KDM3B: variants seen among roughly 807,000 people sequenced by gnomAD.
KDM3B encodes lysine demethylase 3B.
In KDM3B, 10 loss-of-function variants were observed where a neutral mutation model predicts 170.0. The ratio of observed to expected loss-of-function variants is 0.06; its 90% confidence interval spans 0.04 to 0.10. The LOEUF (loss-of-function observed/expected upper bound fraction) is 0.10. KDM3B is among the 10% of genes least tolerant of loss of function. The pLI, the probability that KDM3B is intolerant of heterozygous loss-of-function variation, is 1.00. For missense variants in KDM3B, 1,394 were observed against 2,195.2 expected (o/e 0.64, Z 7.29); for synonymous variants, 831 against 834.8 (o/e 1.00, Z 0.08).
At position 138,386,087 on chromosome 5, in the gene KDM3B, A is replaced by G; in HGVS notation, c.846A>G (p.Lys282=). ...AGAAGAGAGAAAGCATAGAGGGGAA[A>G]GATGGCCGGAGGAGGAAAAGTGCTT... ...GKKKRESIEG[K]DGRRRKSASD... is the part of the protein sequence containing the mutation. Residue 282 remains lysine (K), a synonymous_variant, in exon 7 of 24, where the codon AAA becomes AAG. Transcript: ENST00000314358. The G allele has an allele frequency of 1.2e-6, 2 of 1,614,216 alleles. No homozygotes were observed. Among genetic ancestry groups the G allele is most frequent in the South Asian group, 1.1e-5 (1 of 91,080 alleles).
chr5:138,418,881 G>A lies in KDM3B; in HGVS notation c.3436-72G>A, dbSNP rs1372836625. On this transcript the variant is annotated intron_variant, in intron 13 of 23. Coordinates refer to ENST00000314358, the MANE Select transcript of KDM3B (RefSeq NM_016604.4). Reference sequence around the variant, plus strand: ...TTCTTCCCAGACCTATTTAGTATGTGAAGCCATTACTAGTTGTATTTTTTT... The same window carrying A: ...TTCTTCCCAGACCTATTTAGTATGTAAAGCCATTACTAGTTGTATTTTTTT... 1.2e-5 allele frequency: 17 copies of A among 1,411,220 alleles called. No homozygotes were observed. The African/African-American group carries it at 1.7e-4, about 14-fold the overall frequency. 87.4% of individuals were successfully genotyped at this position (1,411,220 alleles called of 1,614,324 possible). A position where few individuals can be genotyped will look rare whatever the true frequency, so the allele number is the denominator to read the frequency against.
chr5:138,436,014 G>A lies in KDM3B; in HGVS notation c.*314G>A, dbSNP rs1255039837. 1 of 304,250 alleles carries A rather than the reference G, an allele frequency of 3.3e-6. No homozygotes were observed. The allele number at this position is 304,250 out of a possible 1,614,324, so 18.8% of individuals were successfully genotyped here. On this transcript the variant is annotated 3_prime_UTR_variant, in exon 24 of 24. Transcript: ENST00000314358. ...CACATTCTCCTGATTTGAGATTCAC[G>A]GGCACACCTTTCTTTTCTTTTCCTC...
At chr5:138,384,740 CAAAAAAA>C (rs58389517) in intron 6 of KDM3B, among the ~76,000 whole-genome samples, 2 of 85,930 alleles carry the variant, frequency 2.3e-5, no homozygotes, top group Admixed American at 1.1e-4. Context: ...ACTCTTGTCT[CAAAAAAA>C]AAAAAAAAAA....
At chr5:138,407,742 C>T (rs1240569513) in intron 11 of KDM3B, among the ~76,000 whole-genome samples, 3 of 152,102 alleles carry the variant, frequency 2.0e-5, no homozygotes, top group African/African-American at 7.2e-5. Flanking sequence ...GCCTTTCTTC[C>T]GAGGACTCTT....
At chr5:138,385,994 G>C in intron 6 of KDM3B, 28 bp from the exon 7 acceptor site, 1 of 1,563,742 alleles carries the variant, frequency 6.4e-7, no homozygotes, top group Non-Finnish European at 8.6e-7. Context: ...AAGTTTCCTT[G>C]TAATCTTTTT....
chr5:138,410,443 A>G (rs554447157), intron 11 of KDM3B, among the ~76,000 whole-genome samples: 6 of 152,196 alleles, frequency 3.9e-5, no homozygotes, highest in African/African-American at 1.4e-4. Context: ...GGGAAAGGAT[A>G]ACCCTTTCAA....
intron 7 of KDM3B, among the ~76,000 whole-genome samples, chr5:138,389,482 G>A (rs1158390214): frequency 6.6e-6 from 1 of 151,894 alleles, no homozygotes; most frequent in Non-Finnish European, 1.5e-5. Context: ...TAAAACTTAC[G>A]ACTTTAAAAT....
At chr5:138,370,723 C>G (rs1210530890) in intron 1 of KDM3B, among the ~76,000 whole-genome samples, 2 of 152,136 alleles carry the variant, frequency 1.3e-5, no homozygotes, top group Non-Finnish European at 2.9e-5. Flanking sequence ...GGTAACTCCA[C>G]AGTTGCCAGT....
intron 11 of KDM3B, among the ~76,000 whole-genome samples, chr5:138,412,605 G>A (rs1243924788): frequency 2.0e-5 from 3 of 151,142 alleles, no homozygotes; most frequent in Non-Finnish European, 4.4e-5. Flanking sequence ...AGTGAGCCAC[G>A]ATCGTGCCAT....
In KDM3B at chr5:138,399,876, G is replaced by A. The variant is rs1762639110; in HGVS notation, c.3063G>A (p.Lys1021=). 1 of 1,612,968 alleles carries A rather than the reference G, an allele frequency of 6.2e-7. No homozygotes were observed. Among genetic ancestry groups the A allele is most frequent in the Non-Finnish European group, 8.5e-7 (1 of 1,179,212 alleles). Residue 1021 remains lysine (K), a synonymous_variant, in exon 11 of 24, where the codon AAG becomes AAA. Transcript: ENST00000314358. ...TTCCACCAGAGAAAGTGGCATGGAAGCGAGCTGTGCGTGGTGTACGGGAGA... is the reference window on the plus strand; with the variant it reads ...TTCCACCAGAGAAAGTGGCATGGAAACGAGCTGTGCGTGGTGTACGGGAGA... The part of the protein sequence containing the change: ...MVEPHQKVAW[K]RAVRGVREMC...
chr5:138,420,420 T>G (rs1763242432), intron 14 of KDM3B, among the ~76,000 whole-genome samples: 1 of 152,152 alleles, frequency 6.6e-6, no homozygotes, highest in African/African-American at 2.4e-5. Flanking sequence ...AAGATACACT[T>G]GAAACACTGT....
chr5:138,384,472 T>C (rs1263870016), intron 6 of KDM3B, among the ~76,000 whole-genome samples: 3 of 151,920 alleles, frequency 2.0e-5, no homozygotes, highest in Non-Finnish European at 4.4e-5. Context: ...GTGCAGTGGC[T>C]CACACTTGTA....
chr5:138,363,048 A>G (rs1761654805), intron 1 of KDM3B, among the ~76,000 whole-genome samples: 2 of 151,960 alleles, frequency 1.3e-5, no homozygotes, highest in Admixed American at 6.6e-5. Flanking sequence ...ACAAATTTGT[A>G]TTATTTTTCT....
chr5:138,431,805 C>T (rs1763538343), intron 23 of KDM3B, among the ~76,000 whole-genome samples: 1 of 151,298 alleles, frequency 6.6e-6, no homozygotes, highest in Non-Finnish European at 1.5e-5. Flanking sequence ...CCCAGCTACT[C>T]AGGAAACTGA....
At chr5:138,421,929 C>T (rs150374977) in intron 15 of KDM3B, among the ~76,000 whole-genome samples, 2 of 152,292 alleles carry the variant, frequency 1.3e-5, no homozygotes, top group African/African-American at 4.8e-5. Context: ...CTGTTCACTC[C>T]GTTCCAGCCA....
At chr5:138,370,244 A>G (rs1305214369) in intron 1 of KDM3B, among the ~76,000 whole-genome samples, 1 of 152,198 alleles carries the variant, frequency 6.6e-6, no homozygotes, top group Non-Finnish European at 1.5e-5. Context: ...TATTAAGTAG[A>G]AATGAAGCTT....
intron 23 of KDM3B, among the ~76,000 whole-genome samples, chr5:138,431,816 G>A (rs1378172694): frequency 1.3e-5 from 2 of 152,012 alleles, no homozygotes; most frequent in Non-Finnish European, 2.9e-5. Context: ...AGGAAACTGA[G>A]GCAGGAGAAT....
Position 138,386,472 on chromosome 5 carries a change from G to C in KDM3B, c.1231G>C (p.Glu411Gln), listed in dbSNP as rs748515665. 7.4e-6 allele frequency: 12 copies of C among 1,614,016 alleles called. No homozygotes were observed. The highest frequency in any genetic ancestry group is 9.3e-6 in the Non-Finnish European group (11 of 1,180,042). ...AENKEAGKTL[E>Q]QVGQGIVASA... is the part of the protein sequence containing the mutation. ...AAACAAAGAGGCAGGAAAAACACTG[G>C]AACAAGTTGGCCAGGGCATAGTGGC... Residue 411 changes from glutamate to glutamine, a missense_variant, in exon 7 of 24, where the codon GAA becomes CAA. Physicochemically the swap from Glu to Gln is conservative, Grantham distance 29. Transcript: ENST00000314358.
intron 14 of KDM3B, among the ~76,000 whole-genome samples, chr5:138,419,690 C>CATAT (rs1216148625): frequency 9.2e-6 from 1 of 108,970 alleles, no homozygotes; most frequent in African/African-American, 3.8e-5. Context: ...TATATATATA[C>CATAT]ATATATATAT....
Sources: allele counts gnomAD v4.1 joint callset (sites outside exome capture counted in the v4.1 genomes callset), GRCh38; gene constraint gnomAD v4.1.1; transcripts MANE v1.5; gene names NCBI Gene and HGNC (gene_info 2026-07-23, HGNC 2026-07-21).